Variants in NEDD4L observed in about 807,000 individuals in gnomAD.
NEDD4L encodes E3 ubiquitin-protein ligase NEDD4-like.
A neutral mutation model predicts 148.9 loss-of-function variants in NEDD4L; 54 were observed. That is an observed-to-expected ratio of 0.36 (90% CI 0.29 to 0.45). The LOEUF (loss-of-function observed/expected upper bound fraction) is 0.45, where lower values mean the gene tolerates loss of function less well. Among genes scored for constraint, NEDD4L ranks in the 20% least tolerant of loss-of-function variants. The pLI, the probability that NEDD4L is intolerant of heterozygous loss-of-function variation, is 1.00. For synonymous variants in NEDD4L, 433 were observed against 440.7 expected (o/e 0.98, Z 0.22); for missense variants, 856 against 1,233.8 (o/e 0.69, Z 4.59).
At chr18:58,231,724 G>A (rs1377038775) in intron 2 of NEDD4L, among the ~76,000 whole-genome samples, 2 of 152,048 alleles carry the variant, frequency 1.3e-5, no homozygotes, top group South Asian at 2.1e-4. Context: ...CACCATGCCC[G>A]GCTAATTTTT....
chr18:58,196,928 A>G (rs114916757), intron 2 of NEDD4L, among the ~76,000 whole-genome samples: 1,716 of 152,176 alleles, frequency 0.011, 28 homozygotes, highest in African/African-American at 0.039. Flanking sequence ...ATGAGGGGGA[A>G]GAGGAGATGG....
intron 27 of NEDD4L, 31 bp downstream of exon 27, chr18:58,387,529 G>C (rs931802367): frequency 2.0e-6 from 3 of 1,499,592 alleles, no homozygotes; most frequent in Non-Finnish European, 1.8e-6. Flanking sequence ...TTTATGTAAA[G>C]TGGATTTTTT....
chr18:58,304,346 CAA>C (rs147670637), intron 5 of NEDD4L, among the ~76,000 whole-genome samples: 24 of 64,246 alleles, frequency 3.7e-4, no homozygotes, highest in Middle Eastern at 8.9e-3. Flanking sequence ...CCTGTCTCTA[CAA>C]AAAAAAAAAA....
rs1403674877 is a variant in NEDD4L at position 58,186,069 on chromosome 18, ATATGCACACGCACACAGAGAAGGATACG to A, written c.122+20219_122+20246del. ...TGCACACGCGCACAGAGAAGGATACATATGCACACGCACACAGAGAAGGATACGTATGCACACGGGAACAGAGAAGGAT... is the reference window on the plus strand; with the variant it reads ...TGCACACGCGCACAGAGAAGGATACATATGCACACGGGAACAGAGAAGGAT... On this transcript the variant is annotated intron_variant, in intron 2 of 30. Coordinates refer to ENST00000400345, the MANE Select transcript of NEDD4L (RefSeq NM_001144967.3). Among the ~76,000 whole-genome samples the A allele has an allele frequency of 4.3e-4, 64 of 147,708 alleles. 1 individual carries two copies. The East Asian group carries it at 4.4e-3, about 10-fold the overall frequency.
intron 1 of NEDD4L, among the ~76,000 whole-genome samples, chr18:58,125,358 G>GGTGTGTGTGTGTGTGTGTGTGTGTGT (rs34644275): frequency 6.7e-6 from 1 of 148,712 alleles, no homozygotes; most frequent in African/African-American, 2.5e-5. Flanking sequence ...CCACCAGGAG[G>GGTGTGTGTGTGTGTGTGTGTGTGTGT]GTGTGTGTGT....
chr18:58,278,212 C>T (rs1284899171), intron 5 of NEDD4L, among the ~76,000 whole-genome samples: 1 of 152,192 alleles, frequency 6.6e-6, no homozygotes, highest in East Asian at 1.9e-4. Flanking sequence ...AAATGCATGC[C>T]TTTCGCAATC....
intron 1 of NEDD4L, among the ~76,000 whole-genome samples, chr18:58,080,304 G>A (rs995710855): frequency 1.3e-5 from 2 of 152,218 alleles, no homozygotes; most frequent in Non-Finnish European, 1.5e-5. Flanking sequence ...AGTTTCACAC[G>A]AGCGTCTCTT....
intron 2 of NEDD4L, among the ~76,000 whole-genome samples, chr18:58,220,426 G>A (rs1162935675): frequency 6.6e-6 from 1 of 151,546 alleles, no homozygotes; most frequent in Non-Finnish European, 1.5e-5. Context: ...GAGAATGGTT[G>A]GCACTGTCCC....
intron 1 of NEDD4L, among the ~76,000 whole-genome samples, chr18:58,094,901 A>G (rs796607986): frequency 2.9e-5 from 3 of 102,570 alleles, no homozygotes; most frequent in African/African-American, 1.5e-4. Flanking sequence ...AAGAGCACTT[A>G]AAAAAAAAAA....
chr18:58,265,105 G>C (rs1308920665), intron 5 of NEDD4L, among the ~76,000 whole-genome samples: 1 of 151,912 alleles, frequency 6.6e-6, no homozygotes, highest in Non-Finnish European at 1.5e-5. Flanking sequence ...CTGTGTCATG[G>C]AGGGGCAAGA....
intron 1 of NEDD4L, among the ~76,000 whole-genome samples, chr18:58,053,973 C>T (rs117212165): frequency 1.2e-4 from 18 of 152,238 alleles, no homozygotes; most frequent in Non-Finnish European, 2.6e-4. Context: ...GTGAGGAGGC[C>T]GGTGAGGGCA....
At chr18:58,234,044 C>CTTTTCT (rs1568442032) in intron 2 of NEDD4L, among the ~76,000 whole-genome samples, 12 of 113,970 alleles carry the variant, frequency 1.1e-4, no homozygotes. Context: ...CATTTCTTTC[C>CTTTTCT]TTTTCTTTCT....
intron 1 of NEDD4L, among the ~76,000 whole-genome samples, chr18:58,131,276 C>T (rs564336921): frequency 6.8e-6 from 1 of 147,456 alleles, no homozygotes; most frequent in Admixed American, 6.8e-5. Context: ...CGGTGTTGGG[C>T]TCTGTGGGTT....
intron 1 of NEDD4L, among the ~76,000 whole-genome samples, chr18:58,114,888 A>G (rs1243061625): frequency 6.6e-6 from 1 of 152,148 alleles, no homozygotes; most frequent in African/African-American, 2.4e-5. Flanking sequence ...TCCTCCTGGG[A>G]TGCTCTCCTT....
intron 1 of NEDD4L, among the ~76,000 whole-genome samples, chr18:58,066,387 G>GTTTTTTTTTTTTTTTTTT (rs368243667): frequency 1.8e-5 from 2 of 112,106 alleles, no homozygotes; most frequent in African/African-American, 6.0e-5. Flanking sequence ...CTCTGTATTA[G>GTTTTTTTTTTTTTTTTTT]TTTTTTTTTT....
chr18:58,085,380 G>A (rs1321722082), intron 1 of NEDD4L, among the ~76,000 whole-genome samples: 2 of 152,116 alleles, frequency 1.3e-5, no homozygotes, highest in Non-Finnish European at 2.9e-5. Context: ...AGCGTAGGGG[G>A]GTCATTCTGG....
At chr18:58,318,585 C>G (rs1203738040) in intron 6 of NEDD4L, among the ~76,000 whole-genome samples, 2 of 152,224 alleles carry the variant, frequency 1.3e-5, no homozygotes, top group Non-Finnish European at 2.9e-5. Flanking sequence ...CAAGAGCAAA[C>G]TTAGCTGTAA....
intron 1 of NEDD4L, among the ~76,000 whole-genome samples, chr18:58,153,678 G>A (rs1255462459): frequency 6.6e-6 from 1 of 150,964 alleles, no homozygotes; most frequent in African/African-American, 2.4e-5. Flanking sequence ...ATGGAGTCTC[G>A]CTCTGTCCCC....
chr18:58,195,505 T>A, intron 2 of NEDD4L: 1 of 1,344,704 alleles, frequency 7.4e-7, no homozygotes, highest in Non-Finnish European at 9.8e-7. Flanking sequence ...GGTGGGTGGC[T>A]GCGCAGGGCC....
Sources: gnomAD v4.1 joint callset for allele counts (sites outside exome capture counted in the v4.1 genomes callset) on GRCh38, gnomAD v4.1.1 for gene constraint, MANE v1.5 for transcripts, NCBI Gene and HGNC (gene_info 2026-07-23, HGNC 2026-07-21) for gene names.